FAM219A: variants seen among roughly 807,000 people sequenced by gnomAD.
The protein encoded by FAM219A is protein FAM219A.
FAM219A carries 7 observed loss-of-function variants against 23.4 expected under a neutral mutation model. The ratio of observed to expected loss-of-function variants is 0.30; its 90% CI spans 0.17 to 0.56. The LOEUF (loss-of-function observed/expected upper bound fraction) is 0.56. FAM219A is among the 20% of genes least tolerant of loss of function. The probability of loss-of-function intolerance (pLI) is 0.92; values close to 1 mark genes in which losing one functional copy is unlikely to be tolerated. For missense variants in FAM219A, 166 were observed against 246.9 expected (o/e 0.67, Z 2.20); for synonymous variants, 93 against 99.0 (o/e 0.94, Z 0.36).
At chr9:34,420,448 T>C (rs1383168802) in intron 1 of FAM219A, among the ~76,000 whole-genome samples, 1 of 152,196 alleles carries the variant, frequency 6.6e-6, no homozygotes, top group Non-Finnish European at 1.5e-5. Context: ...AGCTCTGCCC[T>C]GGGGGCTAGG....
At chr9:34,403,981 G>GGGGT (rs575066945) in intron 2 of FAM219A, among the ~76,000 whole-genome samples, 74 of 152,262 alleles carry the variant, frequency 4.9e-4, no homozygotes, top group Middle Eastern at 3.4e-3. Flanking sequence ...AGGCCTCTAG[G>GGGGT]GGGTGCAATT....
intron 1 of FAM219A, among the ~76,000 whole-genome samples, chr9:34,455,120 T>A (rs1254425439): frequency 1.3e-5 from 2 of 152,144 alleles, no homozygotes; most frequent in African/African-American, 4.8e-5. Context: ...AACCACTCTA[T>A]CCCTAATACT....
intron 1 of FAM219A, among the ~76,000 whole-genome samples, chr9:34,414,708 A>C (rs556069012): frequency 6.6e-6 from 1 of 152,350 alleles, no homozygotes; most frequent in African/African-American, 2.4e-5. Flanking sequence ...GAAAGTCTGA[A>C]GAGAAAGTTT....
At chr9:34,434,922 T>C (rs1049959065) in intron 1 of FAM219A, among the ~76,000 whole-genome samples, 3 of 152,118 alleles carry the variant, frequency 2.0e-5, no homozygotes, top group Admixed American at 6.5e-5. Flanking sequence ...TGGGCTCAAG[T>C]GATCCTCCTG....
intron 1 of FAM219A, among the ~76,000 whole-genome samples, chr9:34,437,340 G>T (rs1822960054): frequency 6.6e-6 from 1 of 152,180 alleles, no homozygotes; most frequent in Admixed American, 6.5e-5. Context: ...AACAGATGGG[G>T]TGAGAGACCC....
intron 1 of FAM219A, among the ~76,000 whole-genome samples, chr9:34,409,588 C>T (rs929982058): frequency 2.0e-5 from 3 of 152,220 alleles, no homozygotes; most frequent in Non-Finnish European, 4.4e-5. Context: ...CTGAAGACTA[C>T]AGAGATGATT....
chr9:34,401,185 G>C lies in FAM219A; in HGVS notation c.400-63C>G. 20 of 1,568,242 alleles carry C rather than the reference G, an allele frequency of 1.3e-5. No homozygotes were observed. In the South Asian group the frequency reaches 2.2e-4, roughly 17 times the overall value. ...AGGGAGGCACCACCCACAGCTCTGC[G>C]GCCACTCCAGGCCGTCTGCGCCCCA... On this transcript the variant is annotated intron_variant, in intron 5 of 5. Transcript: ENST00000651358.
intron 1 of FAM219A, among the ~76,000 whole-genome samples, chr9:34,418,928 A>G (rs1010188492): frequency 6.6e-6 from 1 of 152,106 alleles, no homozygotes; most frequent in African/African-American, 2.4e-5. Context: ...ACAAAAAATT[A>G]GCCAGGTGTA....
At chr9:34,424,487 G>T (rs1294450593) in intron 1 of FAM219A, among the ~76,000 whole-genome samples, 1 of 152,146 alleles carries the variant, frequency 6.6e-6, no homozygotes, top group Non-Finnish European at 1.5e-5. Flanking sequence ...ACCAGGGCTT[G>T]GCCAAACTAG....
At chr9:34,432,662 A>G (rs150181036) in intron 1 of FAM219A, among the ~76,000 whole-genome samples, 5 of 152,200 alleles carry the variant, frequency 3.3e-5, no homozygotes, top group South Asian at 4.1e-4. Flanking sequence ...TCCCAAGCCC[A>G]TATCTCTAGC....
intron 1 of FAM219A, among the ~76,000 whole-genome samples, chr9:34,431,145 T>G (rs1822683283): frequency 1.3e-5 from 2 of 152,236 alleles, no homozygotes; most frequent in Non-Finnish European, 2.9e-5. Context: ...CTGGGCTTCA[T>G]GCCAGCAGCC....
chr9:34,402,137 C>T, intron 4 of FAM219A: 1 of 1,447,766 alleles, frequency 6.9e-7, no homozygotes, highest in African/African-American at 1.4e-5. Flanking sequence ...CAATTAGGGA[C>T]AACCATTGGA....
chr9:34,428,479 C>T (rs558474980), intron 1 of FAM219A, among the ~76,000 whole-genome samples: 49 of 152,186 alleles, frequency 3.2e-4, no homozygotes, highest in Non-Finnish European at 6.0e-4. Flanking sequence ...ATGAGTTCTC[C>T]CAGGTCAATG....
rs544466868 is a variant in FAM219A, at chr9:34,404,404, A to G, written c.160+1461T>C. Among the ~76,000 whole-genome samples, 4 of 152,322 alleles carry G rather than the reference A, an allele frequency of 2.6e-5. No individual in the cohort carries two copies. The South Asian group carries it at 6.2e-4, about 24-fold the overall frequency. On this transcript the variant is annotated intron_variant, in intron 2 of 5. Transcript: ENST00000651358. ...AAGTTATGCTTGTTAAAATATTTGT[A>G]TTGTGATATTAAACAATAATAGGCT... is the stretch of plus-strand genomic sequence containing the variant.
chr9:34,405,744 G>C lies in FAM219A; in HGVS notation c.160+121C>G, dbSNP rs925711737. ...AGGTGCCTCGCAGTGCCAATGACTTGAAGGCTTGAGTCTTGGAATCATCTA... is the reference window on the plus strand; with the variant it reads ...AGGTGCCTCGCAGTGCCAATGACTTCAAGGCTTGAGTCTTGGAATCATCTA... On this transcript the variant is annotated intron_variant, in intron 2 of 5. Transcript: ENST00000651358. 14 of 967,070 alleles carry C rather than the reference G, an allele frequency of 1.4e-5. No individual in the cohort carries two copies. The Admixed American group carries it at 3.1e-4, about 22-fold the overall frequency. 59.9% of individuals were successfully genotyped at this position (967,070 alleles called of 1,614,324 possible). A position where few individuals can be genotyped will look rare whatever the true frequency, so the allele number is the denominator to read the frequency against.
intron 1 of FAM219A, among the ~76,000 whole-genome samples, chr9:34,447,510 A>C (rs1275766317): frequency 6.6e-6 from 1 of 152,164 alleles, no homozygotes; most frequent in Admixed American, 6.5e-5. Context: ...TGTCCCGGGA[A>C]ATGGTAAAAG....
chr9:34,442,593 G>A (rs1823218796), intron 1 of FAM219A, among the ~76,000 whole-genome samples: 1 of 151,870 alleles, frequency 6.6e-6, no homozygotes, highest in Admixed American at 6.6e-5. Context: ...GCTGAGGCAG[G>A]AGAATTGCTT....
rs1053066228 is a variant in FAM219A at position 34,398,224 on chromosome 9, C to T, written c.*2740G>A. On this transcript the variant is annotated 3_prime_UTR_variant, in exon 6 of 6. Coordinates refer to ENST00000651358, the MANE Select transcript of FAM219A (RefSeq NM_001184940.2). ...TTTTAATATCATTATTTGTGTTACACGATACACAACCAAGGATGATGGTCA... is the reference window on the plus strand; with the variant it reads ...TTTTAATATCATTATTTGTGTTACATGATACACAACCAAGGATGATGGTCA... 36 of 1,518,972 alleles carry T rather than the reference C, an allele frequency of 2.4e-5. No homozygotes were observed. The highest frequency in any genetic ancestry group is 1.2e-4 in the South Asian group (10 of 83,416). The allele number at this position is 1,518,972 out of a possible 1,614,324, so 94.1% of individuals were successfully genotyped here. A position where few individuals can be genotyped will look rare whatever the true frequency, so the allele number is the denominator to read the frequency against.
Position 34,417,324 on chromosome 9 carries a change from G to T in FAM219A, c.61-11360C>A, listed in dbSNP as rs1424546507. 6.6e-6 allele frequency among the ~76,000 whole-genome samples: 1 copy of T among 152,208 alleles called. No individual in the cohort carries two copies. Among genetic ancestry groups the T allele is most frequent in the Non-Finnish European group, 1.5e-5 (1 of 68,032 alleles). ...GGCCTCCCAAAGTGCTGGGATTACA[G>T]GTGTGAGCCACCATTCCCAGCCCCT... On this transcript the variant is annotated intron_variant, in intron 1 of 5. Transcript: ENST00000651358. This position sits in a 1 kb window ranked among gnomAD's most constrained non-coding sequence, Gnocchi z 4.1.
Sources: gnomAD v4.1 joint callset for allele counts (sites outside exome capture counted in the v4.1 genomes callset) on GRCh38, gnomAD v4.1.1 for gene constraint, Gnocchi (gnomAD v3.1) non-coding constraint, MANE v1.5 for transcripts, NCBI Gene and HGNC (gene_info 2026-07-23, HGNC 2026-07-21) for gene names.